SPARC: variants seen among roughly 807,000 people sequenced by gnomAD.
SPARC encodes the protein secreted protein acidic and cysteine rich, also known as basement-membrane protein 40.
A neutral mutation model predicts 37.7 loss-of-function variants in SPARC; 23 were observed. The ratio of observed to expected loss-of-function variants is 0.61; its 90% CI spans 0.44 to 0.87. SPARC has a LOEUF of 0.87. SPARC is among the 40% of genes least tolerant of loss of function. The pLI, the probability that SPARC is intolerant of heterozygous loss-of-function variation, is 0.00. For synonymous variants in SPARC, 155 were observed against 150.8 expected (o/e 1.03, Z -0.20); for missense variants, 312 against 389.0 (o/e 0.80, Z 1.66).
At chr5:151,674,696 G>A (rs372588162) in intron 2 of SPARC, 22 bp from the exon 3 acceptor site, 439 of 1,612,638 alleles carry the variant, frequency 2.7e-4, no homozygotes, top group Non-Finnish European at 3.5e-4. Flanking sequence ...AGAAAGTAGC[G>A]TTCAGAGGGG....
At chr5:151,683,899 G>C (rs116746684) in intron 1 of SPARC, among the ~76,000 whole-genome samples, 2,101 of 152,266 alleles carry the variant, frequency 0.014, 26 homozygotes, top group Non-Finnish European at 0.024. Context: ...TGATGAAATC[G>C]ATGTTTATAC....
Position 151,666,363 on chromosome 5 carries a change from G to A in SPARC, c.732C>T (p.Asp244=), listed in dbSNP as rs758034123. The A allele has an allele frequency of 1.9e-5, 31 of 1,613,612 alleles. 1 individual carries two copies. Among genetic ancestry groups the A allele is most frequent in the Admixed American group, 1.7e-4 (10 of 59,986 alleles). ...CACTCTAGGGTCTGGGGTCTTACCC[G>A]TCAATGGGGTGCTGGTCCAGCTGGC... ...QFGQLDQHPI[D]GYLSHTELAP... The change falls in exon 8 of 10, where the codon GAC becomes GAT. Residue 244 remains aspartate (D), a splice_region_variant and synonymous_variant. Transcript: ENST00000231061.
rs149210127 is a variant in SPARC at position 151,663,928 on chromosome 5, G to A, written c.883+159C>T. Among the ~76,000 whole-genome samples, 42 of 152,308 alleles carry A rather than the reference G, an allele frequency of 2.8e-4. No individual in the cohort carries two copies. The Middle Eastern group carries it at 0.014, about 49-fold the overall frequency. ...ATGGACAGAGAAGGATCAGGAAGAC[G>A]CCCAAGAGACAGGAGTCAAATAGGC... On this transcript the variant is annotated intron_variant, in intron 9 of 9. Coordinates refer to ENST00000231061, the MANE Select transcript of SPARC (RefSeq NM_003118.4).
At chr5:151,675,336 C>A (rs1561921068) in intron 2 of SPARC, among the ~76,000 whole-genome samples, 1 of 152,168 alleles carries the variant, frequency 6.6e-6, no homozygotes, top group Non-Finnish European at 1.5e-5. Context: ...TGCCCTGTTT[C>A]TTCCTCCTCT....
chr5:151,677,215 C>T (rs1434278239), intron 1 of SPARC, among the ~76,000 whole-genome samples: 2 of 152,200 alleles, frequency 1.3e-5, no homozygotes, highest in East Asian at 3.8e-4. Flanking sequence ...AACTAAATGG[C>T]TTTTCATTCT....
At chr5:151,675,690 A>G (rs1433791339) in intron 2 of SPARC, among the ~76,000 whole-genome samples, 2 of 152,008 alleles carry the variant, frequency 1.3e-5, no homozygotes, top group Non-Finnish European at 2.9e-5. Flanking sequence ...TCCTTCCCCA[A>G]TTTAGTCAGA....
rs758380819 is a variant in SPARC, at chr5:151,676,189, G to C, written c.-1C>G. The C allele has an allele frequency of 6.2e-7, 1 of 1,610,676 alleles. No individual in the cohort carries two copies. Among genetic ancestry groups the C allele is most frequent in the African/African-American group, 1.3e-5 (1 of 74,904 alleles). On this transcript the variant is annotated 5_prime_UTR_variant, in exon 2 of 10. Coordinates refer to ENST00000231061, the MANE Select transcript of SPARC (RefSeq NM_003118.4). ...GGAGAAAGAAGATCCAGGCCCTCAT[G>C]GTGCTGGGAACCCTATGGGGAGGAG...
chr5:151,662,574 G>A lies in SPARC; in HGVS notation c.*997C>T, dbSNP rs1429879981. ...AACGAGTTCTCAGCCTGTGAGATCC[G>A]ACCATCCCATTAACTTTGAAGTTTC... On this transcript the variant is annotated 3_prime_UTR_variant, in exon 10 of 10. Coordinates refer to ENST00000231061, the MANE Select transcript of SPARC (RefSeq NM_003118.4). 6.6e-6 allele frequency: 1 copy of A among 152,550 alleles called. No individual in the cohort carries two copies. The highest frequency in any genetic ancestry group is 2.4e-5 in the African/African-American group (1 of 41,410). 9.4% of individuals were successfully genotyped at this position (152,550 alleles called of 1,614,324 possible). A position where few individuals can be genotyped will look rare whatever the true frequency, so the allele number is the denominator to read the frequency against.
At chr5:151,681,639 C>T (rs1475207805) in intron 1 of SPARC, among the ~76,000 whole-genome samples, 1 of 152,216 alleles carries the variant, frequency 6.6e-6, no homozygotes, top group African/African-American at 2.4e-5. Flanking sequence ...CGCCTGTAAT[C>T]CCAGCACTTT....
Position 151,676,737 on chromosome 5 carries a change from A to AT in SPARC, c.-13-537dup, listed in dbSNP as rs201027970. ...CTTCAATCCCTGATATTCTAAAATT[A>AT]TTTTTTTCCCTAAACCCAATCTCTC... On this transcript the variant is annotated intron_variant, in intron 1 of 9. Transcript: ENST00000231061. Among the ~76,000 whole-genome samples the AT allele has an allele frequency of 7.2e-3, 1,090 of 152,160 alleles. 6 individuals are homozygous for AT. The highest frequency in any genetic ancestry group is 0.012 in the Non-Finnish European group (826 of 67,992).
chr5:151,671,546 C>T, intron 5 of SPARC, 27 bp downstream of exon 5: 2 of 1,543,884 alleles, frequency 1.3e-6, no homozygotes, highest in Non-Finnish European at 1.7e-6. Flanking sequence ...CAATCCCTTC[C>T]CCCTGCCCCT....
intron 1 of SPARC, among the ~76,000 whole-genome samples, chr5:151,684,840 G>T (rs1761091761): frequency 6.6e-6 from 1 of 152,080 alleles, no homozygotes; most frequent in Non-Finnish European, 1.5e-5. Context: ...AGGTCAAATG[G>T]TACCTTCAGG....
chr5:151,668,734 C>T (rs931419940), intron 6 of SPARC, among the ~76,000 whole-genome samples: 2 of 152,128 alleles, frequency 1.3e-5, no homozygotes, highest in African/African-American at 4.8e-5. Context: ...TTCATAAAGA[C>T]TCCTTAAGAC....
In SPARC at chr5:151,664,166, G is replaced by C. The variant is rs776131194; in HGVS notation, c.804C>G (p.Arg268=). Residue 268 remains arginine (R), a synonymous_variant, in exon 9 of 10, where the codon CGC becomes CGG. Coordinates refer to ENST00000231061, the MANE Select transcript of SPARC (RefSeq NM_003118.4). The part of the protein sequence containing the change: ...PLIPMEHCTT[R]FFETCDLDND... ...TGTCCAGGTCACAGGTCTCGAAAAA[G>C]CGGGTGGTGCAATGCTCCATGGGGA... 6.2e-7 allele frequency: 1 copy of C among 1,614,212 alleles called. No individual in the cohort carries two copies. The highest frequency in any genetic ancestry group is 8.5e-7 in the Non-Finnish European group (1 of 1,180,018).
At chr5:151,674,439 A>C (rs1434096937) in intron 3 of SPARC, among the ~76,000 whole-genome samples, 173 bp downstream of exon 3, 1 of 152,198 alleles carries the variant, frequency 6.6e-6, no homozygotes, top group Non-Finnish European at 1.5e-5. Context: ...TTTGGGAAGC[A>C]TTCAGGAGTG....
At chr5:151,669,283 T>C (rs1465830351) in intron 6 of SPARC, among the ~76,000 whole-genome samples, 1 of 152,218 alleles carries the variant, frequency 6.6e-6, no homozygotes, top group African/African-American at 2.4e-5. Context: ...TCAAAATATT[T>C]TGTAGGCCCA....
At position 151,673,152 on chromosome 5, in the gene SPARC, G is replaced by GT; in HGVS notation, c.184dup (p.Thr62AsnfsTer26). Reference sequence around the variant, plus strand: ...ACTTTCCGCCACCACCTCCTCTTCGGTTTCCTCTGCACCATCATCAAATTC... The same window carrying GT: ...ACTTTCCGCCACCACCTCCTCTTCGGTTTTCCTCTGCACCATCATCAAATTC... On this transcript the variant is annotated frameshift_variant, in exon 4 of 10. Transcript: ENST00000231061. LOFTEE classifies it high-confidence loss of function. The GT allele has an allele frequency of 6.2e-7, 1 of 1,613,846 alleles. No individual in the cohort carries two copies. The highest frequency in any genetic ancestry group is 8.5e-7 in the Non-Finnish European group (1 of 1,179,714).
intron 1 of SPARC, chr5:151,686,280 G>C (rs1317263391): frequency 2.0e-5 from 3 of 152,388 alleles, no homozygotes; most frequent in South Asian, 2.1e-4. Context: ...TTGTGTATTG[G>C]GGGGACGGAA....
intron 5 of SPARC, among the ~76,000 whole-genome samples, chr5:151,670,170 T>A (rs1760719219): frequency 6.6e-6 from 1 of 152,234 alleles, no homozygotes; most frequent in South Asian, 2.1e-4. Flanking sequence ...GCTTGTAAGG[T>A]CAGCCTGTGG....
Sources: allele counts gnomAD v4.1 joint callset (sites outside exome capture counted in the v4.1 genomes callset), GRCh38; gene constraint gnomAD v4.1.1; transcripts MANE v1.5; gene names NCBI Gene and HGNC (gene_info 2026-07-23, HGNC 2026-07-21).